Variants in GRB2 observed in about 807,000 individuals in gnomAD.
GRB2 encodes growth factor receptor bound protein 2.
GRB2 carries 2 observed loss-of-function variants against 27.4 expected under a neutral mutation model. That is an observed-to-expected ratio of 0.07 (90% CI 0.03 to 0.23). The LOEUF is 0.23. GRB2 is among the 10% of genes least tolerant of loss of function. The pLI is 1.00. For missense variants in GRB2, 102 were observed against 282.4 expected (o/e 0.36, Z 4.58); for synonymous variants, 94 against 99.6 (o/e 0.94, Z 0.33).
At chr17:75,329,537 T>C (rs2078525214) in intron 3 of GRB2, among the ~76,000 whole-genome samples, 1 of 152,172 alleles carries the variant, frequency 6.6e-6, no homozygotes. Context: ...GTACTCTAAC[T>C]GGAATTAAAA....
chr17:75,321,169 CTTTTTT>C (rs61287852), intron 5 of GRB2, among the ~76,000 whole-genome samples: 1,808 of 120,014 alleles, frequency 0.015, 20 homozygotes, highest in African/African-American at 0.063. Flanking sequence ...AACAACAAAT[CTTTTTT>C]TTTTTTTTTT....
At chr17:75,323,121 TAAAA>T (rs55801107) in intron 4 of GRB2, among the ~76,000 whole-genome samples, 2 of 101,272 alleles carry the variant, frequency 2.0e-5, no homozygotes, top group Admixed American at 1.1e-4. Context: ...TCCATCTCAT[TAAAA>T]AAAAAAAAAA....
At chr17:75,334,214 A>C (rs1044372115) in intron 2 of GRB2, among the ~76,000 whole-genome samples, 1 of 151,796 alleles carries the variant, frequency 6.6e-6, no homozygotes, top group Non-Finnish European at 1.5e-5. Flanking sequence ...TCTGTCGCCC[A>C]GGCTGGAGTG....
At chr17:75,339,982 G>A (rs2078609749) in intron 2 of GRB2, among the ~76,000 whole-genome samples, 1 of 152,114 alleles carries the variant, frequency 6.6e-6, no homozygotes. Context: ...TTAGAAAAAT[G>A]GCAAGTATTT....
chr17:75,377,192 G>A (rs976004794), intron 2 of GRB2, among the ~76,000 whole-genome samples: 5 of 151,674 alleles, frequency 3.3e-5, no homozygotes, highest in Admixed American at 2.0e-4. Flanking sequence ...GTGGTGGTGC[G>A]CATCTGTAGT....
intron 2 of GRB2, among the ~76,000 whole-genome samples, chr17:75,379,010 C>T (rs1263131297): frequency 6.6e-6 from 1 of 152,144 alleles, no homozygotes; most frequent in Admixed American, 6.6e-5. Context: ...TGAGCTACTG[C>T]CACTTTCTAA....
At chr17:75,328,216 C>T (rs895027901) in intron 3 of GRB2, among the ~76,000 whole-genome samples, 40 of 151,910 alleles carry the variant, frequency 2.6e-4, no homozygotes, top group Admixed American at 2.6e-3. Flanking sequence ...CCCAGCTACT[C>T]GGGAGGCTGA....
chr17:75,347,478 T>C (rs1402770173), intron 2 of GRB2, among the ~76,000 whole-genome samples: 1 of 152,154 alleles, frequency 6.6e-6, no homozygotes, highest in Non-Finnish European at 1.5e-5. Flanking sequence ...TCAGCATGCA[T>C]GCCCCTGTTC....
chr17:75,365,623 G>A (rs990897621), intron 2 of GRB2, among the ~76,000 whole-genome samples: 2 of 150,912 alleles, frequency 1.3e-5, no homozygotes, highest in Admixed American at 6.6e-5. Flanking sequence ...ATACCAAAGC[G>A]AAAAAGTTCA....
At chr17:75,400,003 C>T (rs1360486459) in intron 1 of GRB2, among the ~76,000 whole-genome samples, 2 of 146,362 alleles carry the variant, frequency 1.4e-5, no homozygotes, top group Admixed American at 6.8e-5. Flanking sequence ...AATACATACT[C>T]TTTTTTTTTT....
intron 2 of GRB2, among the ~76,000 whole-genome samples, chr17:75,341,508 A>G (rs1258549555): frequency 6.6e-6 from 1 of 150,452 alleles, no homozygotes; most frequent in African/African-American, 2.5e-5. Flanking sequence ...AGTCAGGTAT[A>G]CCTCCTGACC....
intron 2 of GRB2, among the ~76,000 whole-genome samples, chr17:75,354,757 A>G (rs2078720010): frequency 6.6e-6 from 1 of 152,238 alleles, no homozygotes; most frequent in South Asian, 2.1e-4. Flanking sequence ...CAGTGAAAAT[A>G]GAAGAAAAGA....
At chr17:75,401,239 A>C (rs1389297872) in intron 1 of GRB2, among the ~76,000 whole-genome samples, 1 of 151,828 alleles carries the variant, frequency 6.6e-6, no homozygotes, top group Non-Finnish European at 1.5e-5. Flanking sequence ...AGGTCAGGAG[A>C]TCGAGACCAT....
At chr17:75,336,020 C>A (rs1306184953) in intron 2 of GRB2, among the ~76,000 whole-genome samples, 2 of 152,212 alleles carry the variant, frequency 1.3e-5, no homozygotes, top group African/African-American at 4.8e-5. Context: ...GCCACCACCA[C>A]CTGCCCCTGT....
At chr17:75,328,889 G>A (rs1230647086) in intron 3 of GRB2, among the ~76,000 whole-genome samples, 3 of 152,012 alleles carry the variant, frequency 2.0e-5, no homozygotes, top group African/African-American at 7.3e-5. Flanking sequence ...AGTGAGCCGA[G>A]ATCGCGCCAC....
intron 2 of GRB2, among the ~76,000 whole-genome samples, chr17:75,389,763 T>C (rs538512852): frequency 7.2e-5 from 11 of 152,182 alleles, no homozygotes; most frequent in African/African-American, 2.4e-4. Context: ...GAGAATGGCG[T>C]GAACCCGGGA....
chr17:75,326,712 T>C (rs568819111), intron 3 of GRB2, among the ~76,000 whole-genome samples: 1 of 152,352 alleles, frequency 6.6e-6, no homozygotes, highest in East Asian at 1.9e-4. Context: ...CAGACTCTTC[T>C]GCTCCCAATT....
chr17:75,390,129 T>C (rs1170384288), intron 2 of GRB2, among the ~76,000 whole-genome samples: 1 of 152,198 alleles, frequency 6.6e-6, no homozygotes, highest in Non-Finnish European at 1.5e-5. Context: ...ACTCAAGACC[T>C]GTTTTTAAAG....
At chr17:75,344,409 TCAGA>T (rs1479580300) in intron 2 of GRB2, 7 of 130,792 alleles carry the variant, frequency 5.4e-5, no homozygotes, top group African/African-American at 1.8e-4. Flanking sequence ...TTTTTTTTTT[TCAGA>T]CAGAGTCTTG....
Sources: gnomAD v4.1 joint callset for allele counts (sites outside exome capture counted in the v4.1 genomes callset) on GRCh38, gnomAD v4.1.1 for gene constraint, MANE v1.5 for transcripts, NCBI Gene and HGNC (gene_info 2026-07-23, HGNC 2026-07-21) for gene names.